The following UNC5D variants were observed in gnomAD, a reference collection of about 807,000 sequenced individuals.
The protein encoded by UNC5D is unc-5 netrin receptor D.
A neutral mutation model predicts 105.4 loss-of-function variants in UNC5D; 39 were observed. The observed-to-expected ratio is 0.37, with a 90% CI of 0.29 to 0.48. UNC5D has a LOEUF of 0.48. Ranked by LOEUF, UNC5D falls within the 20% of genes least tolerant of loss-of-function variation. The pLI, the probability that UNC5D is intolerant of heterozygous loss-of-function variation, is 0.98. For missense variants in UNC5D, 991 were observed against 1,202.4 expected (o/e 0.82, Z 2.60); for synonymous variants, 452 against 450.4 (o/e 1.00, Z -0.04).
rs78095596 is a variant in UNC5D, at chr8:35,759,797, A to C, written c.2313+328A>C. On this transcript the variant is annotated intron_variant, in intron 14 of 16. Transcript: ENST00000404895. ...CAGGTTTGTGAGTTGGTTTGTTTTT[A>C]TTAAAATCAGTTCATTATGAGACAG... 1.1e-3 allele frequency among the ~76,000 whole-genome samples: 175 copies of C among 152,240 alleles called. 1 individual carries two copies. The highest frequency in any genetic ancestry group is 4.1e-3 in the African/African-American group (171 of 41,544).
At chr8:35,756,468 G>A (rs937447057) in intron 13 of UNC5D, among the ~76,000 whole-genome samples, 10 of 149,744 alleles carry the variant, frequency 6.7e-5, no homozygotes, top group Non-Finnish European at 1.5e-4. Context: ...ATTGACTTAT[G>A]TCATCTTATA....
intron 3 of UNC5D, among the ~76,000 whole-genome samples, chr8:35,593,046 TAC>T (rs200962371): frequency 0.11 from 15,758 of 140,752 alleles, 813 homozygotes; most frequent in African/African-American, 0.14. Flanking sequence ...GTAGTTTTTA[TAC>T]ACACACACAC....
intron 3 of UNC5D, among the ~76,000 whole-genome samples, chr8:35,590,636 A>G (rs948257545): frequency 6.6e-6 from 1 of 152,178 alleles, no homozygotes; most frequent in African/African-American, 2.4e-5. Flanking sequence ...AGTAATATAC[A>G]TGACCTCTAT....
chr8:35,257,055 T>C (rs1804132303), intron 1 of UNC5D, among the ~76,000 whole-genome samples: 1 of 150,292 alleles, frequency 6.7e-6, no homozygotes, highest in East Asian at 2.0e-4. Context: ...CACTGCAACC[T>C]CTGATTCCCT....
intron 1 of UNC5D, among the ~76,000 whole-genome samples, chr8:35,510,480 T>C (rs1812630518): frequency 6.6e-6 from 1 of 152,212 alleles, no homozygotes; most frequent in South Asian, 2.1e-4. Flanking sequence ...TGTGATCAGT[T>C]ATCACCTGCT....
chr8:35,782,239 A>G (rs183340213), intron 16 of UNC5D, among the ~76,000 whole-genome samples: 15 of 152,344 alleles, frequency 9.8e-5, no homozygotes, highest in African/African-American at 3.6e-4. Flanking sequence ...GTGTTCAATT[A>G]CTGCTCTTGA....
intron 1 of UNC5D, among the ~76,000 whole-genome samples, chr8:35,456,302 A>C (rs910520776): frequency 1.3e-5 from 2 of 152,170 alleles, no homozygotes; most frequent in Non-Finnish European, 2.9e-5. Context: ...AGGGCTTGTT[A>C]AAACACAGAT....
chr8:35,633,790 A>G (rs1276427624), intron 4 of UNC5D, among the ~76,000 whole-genome samples: 5 of 152,096 alleles, frequency 3.3e-5, no homozygotes, highest in East Asian at 1.9e-4. Flanking sequence ...AGTTTCCAGG[A>G]CCTAATACAA....
intron 1 of UNC5D, chr8:35,525,170 A>C: frequency 6.2e-7 from 1 of 1,609,208 alleles, no homozygotes; most frequent in Non-Finnish European, 8.5e-7. Context: ...CTCCATGTGT[A>C]CGGACTCAGG....
chr8:35,578,573 A>T (rs1018132764), intron 3 of UNC5D, among the ~76,000 whole-genome samples: 3 of 152,206 alleles, frequency 2.0e-5, no homozygotes. Flanking sequence ...AATTTTGAAG[A>T]TATAATTTGA....
At chr8:35,429,427 T>C (rs1806475257) in intron 1 of UNC5D, among the ~76,000 whole-genome samples, 1 of 152,196 alleles carries the variant, frequency 6.6e-6, no homozygotes, top group Admixed American at 6.5e-5. Context: ...TTGTGACTTA[T>C]ATGGGTTTGT....
At chr8:35,742,703 C>A (rs1829820676) in intron 11 of UNC5D, among the ~76,000 whole-genome samples, 1 of 152,194 alleles carries the variant, frequency 6.6e-6, no homozygotes, top group African/African-American at 2.4e-5. Context: ...ACAAGCCTAG[C>A]AGCAGGTCAA....
intron 4 of UNC5D, among the ~76,000 whole-genome samples, chr8:35,640,295 C>T (rs915962288): frequency 1.3e-5 from 2 of 152,076 alleles, no homozygotes; most frequent in African/African-American, 4.8e-5. Flanking sequence ...CATGCCCTGT[C>T]CTTGAACTTT....
chr8:35,291,704 G>A (rs1313574856), intron 1 of UNC5D, among the ~76,000 whole-genome samples: 2 of 152,080 alleles, frequency 1.3e-5, no homozygotes, highest in East Asian at 1.9e-4. Context: ...TTCTGATACC[G>A]CTTGATTCTA....
intron 15 of UNC5D, 118 bp from the exon 16 acceptor site, chr8:35,774,181 T>A: frequency 8.9e-7 from 1 of 1,127,010 alleles, no homozygotes; most frequent in East Asian, 2.4e-5. Context: ...ATAGAGTCCA[T>A]CACAACAGGC....
intron 11 of UNC5D, among the ~76,000 whole-genome samples, chr8:35,734,918 G>A (rs1829387100): frequency 6.6e-6 from 1 of 151,754 alleles, no homozygotes; most frequent in African/African-American, 2.4e-5. Context: ...CGAGTAGCTG[G>A]GATTACAGGC....
chr8:35,267,770 T>C (rs1804987305), intron 1 of UNC5D, among the ~76,000 whole-genome samples: 1 of 152,122 alleles, frequency 6.6e-6, no homozygotes, highest in Admixed American at 6.5e-5. Context: ...GCATAGATGT[T>C]CTCTGGCTGT....
At chr8:35,705,032 T>C (rs112901583) in intron 7 of UNC5D, among the ~76,000 whole-genome samples, 8,356 of 150,830 alleles carry the variant, frequency 0.055, 476 homozygotes, top group African/African-American at 0.12. Flanking sequence ...GGCACGATCT[T>C]GGCTCACTGC....
At chr8:35,469,917 C>A (rs1809582445) in intron 1 of UNC5D, among the ~76,000 whole-genome samples, 1 of 152,156 alleles carries the variant, frequency 6.6e-6, no homozygotes, top group Non-Finnish European at 1.5e-5. Flanking sequence ...GGAAAGGACA[C>A]TGGAACTTCT....
Sources: allele counts gnomAD v4.1 joint callset (sites outside exome capture counted in the v4.1 genomes callset), GRCh38; gene constraint gnomAD v4.1.1; transcripts MANE v1.5; gene names NCBI Gene and HGNC (gene_info 2026-07-23, HGNC 2026-07-21).